PDZD7: variants seen among roughly 807,000 people sequenced by gnomAD.
PDZD7 encodes the protein PDZ domain containing 7.
A neutral mutation model predicts 84.7 loss-of-function variants in PDZD7; 72 were observed. The ratio of observed to expected loss-of-function variants is 0.85; its 90% CI spans 0.70 to 1.03. The LOEUF (loss-of-function observed/expected upper bound fraction) is 1.03, where lower values mean the gene tolerates loss of function less well. PDZD7 is among the 50% of genes least tolerant of loss of function. PDZD7 has a pLI of 0.00. For synonymous variants in PDZD7, 594 were observed against 580.7 expected (o/e 1.02, Z -0.33); for missense variants, 1,490 against 1,412.9 (o/e 1.05, Z -0.87).
At position 101,019,153 on chromosome 10, in the gene PDZD7, G is replaced by T. The variant is rs1468599549; in HGVS notation, c.993C>A (p.Cys331Ter). Residue 331 changes from cysteine (C) to a stop codon, truncating the protein, a stop_gained, in exon 8 of 17, where the codon TGC becomes TGA. Coordinates refer to ENST00000619208, the MANE Select transcript of PDZD7 (RefSeq NM_001195263.2). LOFTEE classifies it high-confidence loss of function. Reference protein sequence around the residue: ...ASESSSSVSSCASSAPYSSGS... With the variant: ...ASESSSSVSS ...CCGAGCTGTAGGGGGCGCTGGAGGC[G>T]CACGAAGAGACGCTGGAGCTGCTCT... is the stretch of plus-strand genomic sequence containing the variant. 5 of 1,542,918 alleles carry T rather than the reference G, an allele frequency of 3.2e-6. No homozygotes were observed. The highest frequency in any genetic ancestry group is 3.9e-5 in the Admixed American group (2 of 51,812).
chr10:101,027,166 C>T (rs1400834684), intron 2 of PDZD7, among the ~76,000 whole-genome samples: 1 of 152,200 alleles, frequency 6.6e-6, no homozygotes. Context: ...TTAAAAACTT[C>T]AACACCTGTT....
At position 101,017,908 on chromosome 10, in the gene PDZD7, GAAAGAAAAGAAAGAAA is replaced by G. The variant is rs1564632774; in HGVS notation, c.1522+175_1522+190del. On this transcript the variant is annotated intron_variant, in intron 9 of 16. Coordinates refer to ENST00000619208, the MANE Select transcript of PDZD7 (RefSeq NM_001195263.2). ...GAAAGAAAGAAAAGAAAGAAAGAAA[GAAAGAAAAGAAAGAAA>G]GAAAAAGAAATAGGTATTATTACCC... is the stretch of plus-strand genomic sequence containing the variant. 4 of 417,632 alleles carry G rather than the reference GAAAGAAAAGAAAGAAA, an allele frequency of 9.6e-6. No individual in the cohort carries two copies. The African/African-American group carries it at 1.1e-4, about 11-fold the overall frequency. The allele number at this position is 417,632 out of a possible 1,614,324, so 25.9% of individuals were successfully genotyped here. A position where few individuals can be genotyped will look rare whatever the true frequency, so the allele number is the denominator to read the frequency against.
chr10:101,014,555 C>T (rs1259805895), intron 11 of PDZD7, among the ~76,000 whole-genome samples: 2 of 152,116 alleles, frequency 1.3e-5, no homozygotes, highest in East Asian at 1.9e-4. Flanking sequence ...TGAGTTTAGC[C>T]CAAAGCCCCT....
chr10:101,015,692 C>T lies in PDZD7; in HGVS notation c.1693G>A (p.Ala565Thr). 6.5e-7 allele frequency: 1 copy of T among 1,550,380 alleles called. No homozygotes were observed. ...ESRRPLIQDLAQRLLTDDEVL... is the reference protein window; with the variant it reads ...ESRRPLIQDLTQRLLTDDEVL... ...TCGTCATCAGTCAGCAGCCTCTGGG[C>T]CAGGTCCTGAATGAGGGGCCGCCGG... Residue 565 changes from alanine to threonine, a missense_variant, in exon 11 of 17, where the codon GCC (alanine) becomes ACC (threonine). By Grantham distance (58) the Ala-to-Thr change is moderately conservative. Coordinates refer to ENST00000619208, the MANE Select transcript of PDZD7 (RefSeq NM_001195263.2).
chr10:101,021,232 A>ATTGGG, intron 6 of PDZD7, among the ~76,000 whole-genome samples: 2 of 152,268 alleles, frequency 1.3e-5, no homozygotes, highest in South Asian at 4.1e-4. Flanking sequence ...CTTCACCCCA[A>ATTGGG]GTGAAGGCTT....
chr10:101,009,880 T>C (rs982090181), intron 15 of PDZD7, among the ~76,000 whole-genome samples: 1 of 152,068 alleles, frequency 6.6e-6, no homozygotes, highest in Non-Finnish European at 1.5e-5. Context: ...GTGCTGGGAT[T>C]ACAGGCGTGA....
Position 101,018,169 on chromosome 10 carries a change from C to T in PDZD7, c.1452G>A (p.Gly484=). 1 of 1,614,226 alleles carries T rather than the reference C, an allele frequency of 6.2e-7. No homozygotes were observed. Among genetic ancestry groups the T allele is most frequent in the Non-Finnish European group, 8.5e-7 (1 of 1,180,046 alleles). ...GGRQGRLARD[G]RREAWTLDSG... is the part of the protein sequence containing the mutation. The stretch of plus-strand genomic sequence containing the variant: ...TGTCCAGTGTCCAGGCCTCTCTGCG[C>T]CCGTCCCGCGCTAGCCTCCCCTGCC... The change falls in exon 9 of 17, where the codon GGG becomes GGA. Residue 484 remains glycine (G), a synonymous_variant. Coordinates refer to ENST00000619208, the MANE Select transcript of PDZD7 (RefSeq NM_001195263.2).
chr10:101,019,044 T>C lies in PDZD7; in HGVS notation c.1102A>G (p.Thr368Ala), dbSNP rs1284008057. Residue 368 changes from threonine (T) to alanine (A), a missense_variant, in exon 8 of 17, where the codon ACA becomes GCA. Coordinates refer to ENST00000619208, the MANE Select transcript of PDZD7 (RefSeq NM_001195263.2). ...SRGPGWGRAD[T>A]AMQTEPDAGG... ...GCATCGGGCTCCGTCTGCATGGCTG[T>C]GTCCGCCCGCCCCCAGCCTGGGCCG... The C allele has an allele frequency of 7.0e-6, 11 of 1,573,124 alleles. No individual in the cohort carries two copies. The highest frequency in any genetic ancestry group is 1.2e-5 in the South Asian group (1 of 86,780).
intron 6 of PDZD7, among the ~76,000 whole-genome samples, chr10:101,021,370 C>T (rs1434946843): frequency 6.6e-6 from 1 of 152,172 alleles, no homozygotes; most frequent in Non-Finnish European, 1.5e-5. Flanking sequence ...AATAATGAAT[C>T]CAGCCACCTC....
At position 101,010,506 on chromosome 10, in the gene PDZD7, G is replaced by C. The variant is rs1399188523; in HGVS notation, c.2383C>G (p.Arg795Gly). The change falls in exon 15 of 17, where the codon CGC becomes GGC. Residue 795 changes from arginine (R) to glycine (G), a missense_variant. Arg to Gly is a moderately radical substitution (Grantham distance 125). Coordinates refer to ENST00000619208, the MANE Select transcript of PDZD7 (RefSeq NM_001195263.2). ...SRGQGKSPGR[R>G]SPSPVPTPAP... is the part of the protein sequence containing the mutation. The stretch of plus-strand genomic sequence containing the variant: ...GGGGTAGGCACCGGGGATGGGGAGC[G>C]TCTACCTGGAGACTTGCCTTGACCC... 6.5e-7 allele frequency: 1 copy of C among 1,533,918 alleles called. No individual in the cohort carries two copies. The highest frequency in any genetic ancestry group is 8.7e-7 in the Non-Finnish European group (1 of 1,145,222).
At chr10:101,016,625 C>T (rs770830471) in intron 9 of PDZD7, among the ~76,000 whole-genome samples, 198 bp from the exon 10 acceptor site, 13 of 152,208 alleles carry the variant, frequency 8.5e-5, no homozygotes, top group South Asian at 6.2e-4. Flanking sequence ...GGAGTCAGGA[C>T]GGTTTTGGAT....
Position 101,010,533 on chromosome 10 carries a change from GGCT to G in PDZD7, c.2353_2355del (p.Ser785del). ...CTACCTGGAGACTTGCCTTGACCCC[GGCT>G]GCTGCGGCTGCGGCTGCGGCTACGG... On this transcript the variant is annotated inframe_deletion, in exon 15 of 17. Transcript: ENST00000619208. The G allele has an allele frequency of 6.9e-7, 1 of 1,439,090 alleles. No homozygotes were observed. The highest frequency in any genetic ancestry group is 9.3e-7 in the Non-Finnish European group (1 of 1,076,126). The allele number at this position is 1,439,090 out of a possible 1,614,324, so 89.1% of individuals were successfully genotyped here.
chr10:101,012,613 A>G (rs984257155), intron 11 of PDZD7, among the ~76,000 whole-genome samples: 1 of 152,086 alleles, frequency 6.6e-6, no homozygotes, highest in Non-Finnish European at 1.5e-5. Context: ...GAAGGACTTC[A>G]CTCAAAGCCA....
In PDZD7 at chr10:101,022,346, G is replaced by T. The variant is rs137967850; in HGVS notation, c.582C>A (p.Cys194Ter). Residue 194 changes from cysteine (C) to a stop codon, truncating the protein, a stop_gained, in exon 5 of 17, where the codon TGC becomes TGA. Transcript: ENST00000619208. LOFTEE classifies it high-confidence loss of function. ...AGCTGGTGTCGGAGGGTGTTGAACCGCACTTCTCCACTACCAGGCGCCGAT... is the reference window on the plus strand; with the variant it reads ...AGCTGGTGTCGGAGGGTGTTGAACCTCACTTCTCCACTACCAGGCGCCGAT... ...VVNRRLVVEK[C>*]GSTPSDTSSE... The T allele has an allele frequency of 6.2e-7, 1 of 1,614,140 alleles. No individual in the cohort carries two copies. Among genetic ancestry groups the T allele is most frequent in the Admixed American group, 1.7e-5 (1 of 60,024 alleles).
rs185228487 is a variant in PDZD7, at chr10:101,024,348, A to G, written c.227-280T>C. 1.3e-3 allele frequency among the ~76,000 whole-genome samples: 196 copies of G among 152,066 alleles called. 3 individuals carry two copies. In the East Asian group the frequency reaches 0.026, roughly 20 times the overall value. On this transcript the variant is annotated intron_variant, in intron 2 of 16. Coordinates refer to ENST00000619208, the MANE Select transcript of PDZD7 (RefSeq NM_001195263.2). ...AGCCACAAACTCCTGGGCTCAAGTA[A>G]CCCTCCTGCCTCAGCCTTCCAAGTA...
At position 101,022,179 on chromosome 10, in the gene PDZD7, C is replaced by T. The variant is rs546475536; in HGVS notation, c.719+30G>A. The stretch of plus-strand genomic sequence containing the variant: ...ACTCCAGACCCCATTCTCAGTTCTA[C>T]CCGAAGACACTTCCTGCCTCAGCCC... On this transcript the variant is annotated intron_variant, in intron 5 of 16. Transcript: ENST00000619208. 2.6e-5 allele frequency: 42 copies of T among 1,613,608 alleles called. 1 individual carries two copies. In the South Asian group the frequency reaches 4.2e-4, roughly 16 times the overall value.
At chr10:101,024,315 C>T (rs1022774387) in intron 2 of PDZD7, among the ~76,000 whole-genome samples, 17 of 152,126 alleles carry the variant, frequency 1.1e-4, no homozygotes, top group African/African-American at 3.9e-4. Flanking sequence ...GTGATCATGG[C>T]TCACTGCAGC....
At chr10:101,019,567 C>T (rs1466987282) in intron 7 of PDZD7, among the ~76,000 whole-genome samples, 1 of 137,090 alleles carries the variant, frequency 7.3e-6, no homozygotes, top group African/African-American at 3.0e-5. Flanking sequence ...TCCTCCTCCT[C>T]CTCCTCCTCC....
chr10:101,021,836 C>G lies in PDZD7; in HGVS notation c.829G>C (p.Val277Leu). The change falls in exon 6 of 17, where the codon GTG (valine) becomes CTG (leucine). Residue 277 changes from valine (V) to leucine (L), a missense_variant. Physicochemically the swap from Val to Leu is conservative, Grantham distance 32 (BLOSUM62 1). Transcript: ENST00000619208. Reference sequence around the variant, plus strand: ...ATGATGTGCGTTTGGCCCTTCAGCACCTCCACGGCCTGGCTGTGGCTGATG... The same window carrying G: ...ATGATGTGCGTTTGGCCCTTCAGCAGCTCCACGGCCTGGCTGTGGCTGATG... ...DDISHSQAVEVLKGQTHIMLT... is the reference protein window; with the variant it reads ...DDISHSQAVELLKGQTHIMLT... The G allele has an allele frequency of 6.2e-7, 1 of 1,614,206 alleles. No individual in the cohort carries two copies.
Sources: allele counts gnomAD v4.1 joint callset (sites outside exome capture counted in the v4.1 genomes callset), GRCh38; gene constraint gnomAD v4.1.1; transcripts MANE v1.5; gene names NCBI Gene and HGNC (gene_info 2026-07-23, HGNC 2026-07-21).